Variants in LANCL1 observed in about 807,000 individuals in gnomAD.
The protein encoded by LANCL1 is LanC like glutathione S-transferase 1.
Under a neutral mutation model 50.6 loss-of-function variants are expected in LANCL1, and 50 were observed. That is an observed-to-expected ratio of 0.99 (90% CI 0.79 to 1.25). LANCL1 has a LOEUF of 1.25. LANCL1 is among the 50% of genes most tolerant of loss of function. The pLI is 0.00. For synonymous variants in LANCL1, 188 were observed against 178.6 expected (o/e 1.05, Z -0.42); for missense variants, 532 against 480.7 (o/e 1.11, Z -1.00).
intron 3 of LANCL1, among the ~76,000 whole-genome samples, chr2:210,466,841 A>G (rs1479744411): frequency 1.3e-5 from 2 of 152,202 alleles, no homozygotes; most frequent in Non-Finnish European, 2.9e-5. Context: ...AAAACCATCA[A>G]GGCTGAAACA....
chr2:210,445,327 T>C (rs976149451), intron 4 of LANCL1, among the ~76,000 whole-genome samples: 24 of 152,346 alleles, frequency 1.6e-4, no homozygotes, highest in African/African-American at 4.8e-4. Context: ...TGGCAATATA[T>C]AATTAGCATT....
chr2:210,457,479 G>T lies in LANCL1; in HGVS notation c.200-2165C>A, dbSNP rs116178833. On this transcript the variant is annotated intron_variant, in intron 3 of 9. Transcript: ENST00000450366. Reference sequence around the variant, plus strand: ...GACTCAGGGATGGTTGGCAAGGTGGGAAATAAAAACACAACTTCACGGGCT... The same window carrying T: ...GACTCAGGGATGGTTGGCAAGGTGGTAAATAAAAACACAACTTCACGGGCT... Among the ~76,000 whole-genome samples the T allele has an allele frequency of 4.6e-3, 704 of 152,198 alleles. 4 individuals carry two copies. The highest frequency in any genetic ancestry group is 9.7e-3 in the African/African-American group (402 of 41,528).
In LANCL1 at chr2:210,472,060, G is replaced by A. The variant is rs1694243408; in HGVS notation, c.98C>T (p.Ser33Leu). Reference protein sequence around the residue: ...DAAGRLTPEFSQRLTNKIREL... With the variant: ...DAAGRLTPEFLQRLTNKIREL... Reference sequence around the variant, plus strand: ...CCGAATCTTATTGGTCAAGCGTTGTGAGAACTCAGGAGTCAGCTAGATATT... The same window carrying A: ...CCGAATCTTATTGGTCAAGCGTTGTAAGAACTCAGGAGTCAGCTAGATATT... Residue 33 changes from serine to leucine, a missense_variant, in exon 3 of 10, where the codon TCA becomes TTA. Ser to Leu is a moderately radical substitution (Grantham distance 145, BLOSUM62 -2). Transcript: ENST00000450366. 1.9e-6 allele frequency: 3 copies of A among 1,612,798 alleles called. No homozygotes were observed. Among genetic ancestry groups the A allele is most frequent in the South Asian group, 2.2e-5 (2 of 91,036 alleles).
intron 3 of LANCL1, chr2:210,468,713 T>G (rs1470446745): frequency 6.6e-6 from 1 of 152,252 alleles, no homozygotes; most frequent in Non-Finnish European, 1.5e-5. Flanking sequence ...TGACTGGATC[T>G]TCAGCAGCCA....
chr2:210,469,437 T>C (rs1289014108), intron 3 of LANCL1, among the ~76,000 whole-genome samples: 1 of 152,218 alleles, frequency 6.6e-6, no homozygotes, highest in Admixed American at 6.5e-5. Flanking sequence ...GTGGGAATAA[T>C]AGCTTTTTAA....
intron 3 of LANCL1, among the ~76,000 whole-genome samples, chr2:210,461,260 G>A (rs73069798): frequency 0.088 from 13,378 of 151,890 alleles, 1,854 homozygotes; most frequent in African/African-American, 0.3. Context: ...TGAATCCAGC[G>A]TAAATCCATG....
At chr2:210,476,904 G>T, upstream of LANCL1, 2 of 722,368 alleles carry the variant, frequency 2.8e-6, no homozygotes, top group Non-Finnish European at 3.4e-6. Context: ...GCAGAAGTGA[G>T]GACCTAGAAT....
At position 210,433,476 on chromosome 2, in the gene LANCL1, A is replaced by G. The variant is rs1692816171; in HGVS notation, c.*1011T>C. On this transcript the variant is annotated 3_prime_UTR_variant, in exon 10 of 10. Coordinates refer to ENST00000450366, the MANE Select transcript of LANCL1 (RefSeq NM_006055.3). Reference sequence around the variant, plus strand: ...TCCCCTTTTTAAACAGAAGTAGAATACTGTACAATTTAGTGAAAAGACCAA... The same window carrying G: ...TCCCCTTTTTAAACAGAAGTAGAATGCTGTACAATTTAGTGAAAAGACCAA... The G allele has an allele frequency of 6.6e-6, 1 of 152,212 alleles. No homozygotes were observed. The highest frequency in any genetic ancestry group is 1.5e-5 in the Non-Finnish European group (1 of 68,040). The allele number at this position is 152,212 out of a possible 1,614,324, so 9.4% of individuals were successfully genotyped here. A position where few individuals can be genotyped will look rare whatever the true frequency, so the allele number is the denominator to read the frequency against.
At chr2:210,452,312 G>C (rs1559713595) in intron 4 of LANCL1, among the ~76,000 whole-genome samples, 6 of 151,476 alleles carry the variant, frequency 4.0e-5, no homozygotes. Context: ...CAGAAAGCCA[G>C]AGCGCTTCAT....
chr2:210,448,363 G>C (rs1036428818), intron 4 of LANCL1, among the ~76,000 whole-genome samples: 2 of 152,162 alleles, frequency 1.3e-5, no homozygotes, highest in Non-Finnish European at 2.9e-5. Flanking sequence ...CGTTTAGAGG[G>C]AAATTTATAG....
chr2:210,476,992 T>A (rs1053488471), upstream of LANCL1, among the ~76,000 whole-genome samples: 2 of 151,824 alleles, frequency 1.3e-5, no homozygotes, highest in African/African-American at 4.8e-5. Flanking sequence ...AAGTCCAGAG[T>A]CATAAGAAGT....
In LANCL1 at chr2:210,436,397, A is replaced by G; in HGVS notation, c.874-5T>C. The G allele has an allele frequency of 6.2e-7, 1 of 1,613,386 alleles. No individual in the cohort carries two copies. The highest frequency in any genetic ancestry group is 8.5e-7 in the Non-Finnish European group (1 of 1,179,440). ...ATACTTTTCCTCTCTGAATACCTGCAGAGGCAAAGGACACATTTTATTATA... is the reference window on the plus strand; with the variant it reads ...ATACTTTTCCTCTCTGAATACCTGCGGAGGCAAAGGACACATTTTATTATA... On this transcript the variant is annotated splice_region_variant and splice_polypyrimidine_tract_variant and intron_variant, in intron 7 of 9. Transcript: ENST00000450366.
At chr2:210,440,911 C>T (rs922433862) in intron 5 of LANCL1, among the ~76,000 whole-genome samples, 167 bp from the exon 6 acceptor site, 1 of 152,174 alleles carries the variant, frequency 6.6e-6, no homozygotes, top group Non-Finnish European at 1.5e-5. Flanking sequence ...GTGTGTGGGA[C>T]TGTATTTAGC....
chr2:210,448,169 A>C (rs1420878000), intron 4 of LANCL1, among the ~76,000 whole-genome samples: 1 of 152,232 alleles, frequency 6.6e-6, no homozygotes. Context: ...CCATAGTGCA[A>C]TCAAATTAGA....
chr2:210,460,895 G>A (rs1178026000), intron 3 of LANCL1: 1 of 152,142 alleles, frequency 6.6e-6, no homozygotes, highest in Non-Finnish European at 1.5e-5. Flanking sequence ...CTGAAGATGT[G>A]TCTTTTCTTT....
In LANCL1 at chr2:210,434,657, G is replaced by T. The variant is rs978908167; in HGVS notation, c.1124-94C>A. 8.0e-6 allele frequency: 8 copies of T among 1,002,126 alleles called. No individual in the cohort carries two copies. The African/African-American group carries it at 1.3e-4, about 16-fold the overall frequency. The allele number at this position is 1,002,126 out of a possible 1,614,324, so 62.1% of individuals were successfully genotyped here. ...CCCCATATCTTTATTGACAAAAAAA[G>T]TCACAGCATTTCAGTCTATTCAAAC... On this transcript the variant is annotated intron_variant, in intron 9 of 9. Transcript: ENST00000450366.
intron 8 of LANCL1, among the ~76,000 whole-genome samples, chr2:210,435,893 CTT>C (rs71043994): frequency 0.013 from 845 of 64,252 alleles, 6 homozygotes; most frequent in African/African-American, 0.052. Context: ...GGGAGACCTG[CTT>C]TTTTTTTTTT....
intron 9 of LANCL1, 129 bp downstream of exon 9, chr2:210,435,258 A>ATATT: frequency 1.5e-6 from 1 of 671,668 alleles, no homozygotes; most frequent in Non-Finnish European, 2.6e-6. Context: ...TCGATTTAGC[A>ATATT]TATTAGGAAA....
At chr2:210,456,984 CA>C (rs1693692094) in intron 3 of LANCL1, among the ~76,000 whole-genome samples, 1 of 152,146 alleles carries the variant, frequency 6.6e-6, no homozygotes, top group South Asian at 2.1e-4. Context: ...CACAAGAGTA[CA>C]TTTGGATTAA....
Sources: allele counts gnomAD v4.1 joint callset (sites outside exome capture counted in the v4.1 genomes callset), GRCh38; gene constraint gnomAD v4.1.1; transcripts MANE v1.5; gene names NCBI Gene and HGNC (gene_info 2026-07-23, HGNC 2026-07-21).